CSMD1: variants seen among roughly 807,000 people sequenced by gnomAD.
CSMD1 encodes CUB and Sushi multiple domains 1.
In CSMD1, 213 loss-of-function variants were observed where a neutral mutation model predicts 417.5. The ratio of observed to expected loss-of-function variants is 0.51; its 90% CI spans 0.46 to 0.57. The LOEUF is 0.57. Ranked by LOEUF, CSMD1 falls within the 20% of genes least tolerant of loss-of-function variation. The pLI is 0.00. For synonymous variants in CSMD1, 2,862 were observed against 1,736.8 expected (o/e 1.65, Z -16.11); for missense variants, 6,923 against 4,529.7 (o/e 1.53, Z -15.17).
intron 2 of CSMD1, among the ~76,000 whole-genome samples, chr8:4,564,759 T>C (rs975404478): frequency 4.6e-5 from 7 of 152,180 alleles, no homozygotes; most frequent in African/African-American, 1.4e-4. Context: ...GCATAATGAC[T>C]GTCATCAAAA....
intron 25 of CSMD1, among the ~76,000 whole-genome samples, chr8:3,304,223 T>C (rs1804633187): frequency 6.6e-6 from 1 of 152,174 alleles, no homozygotes; most frequent in Non-Finnish European, 1.5e-5. Context: ...AATTAATCCC[T>C]GTGTTCATAT....
chr8:4,697,666 C>T (rs78859012), intron 1 of CSMD1, among the ~76,000 whole-genome samples: 3,625 of 152,124 alleles, frequency 0.024, 133 homozygotes, highest in African/African-American at 0.074. Context: ...GCTGGTTACA[C>T]GATTTCCCTG....
intron 23 of CSMD1, among the ~76,000 whole-genome samples, chr8:3,318,956 A>C (rs185033765): frequency 4.3e-4 from 66 of 152,278 alleles, no homozygotes; most frequent in African/African-American, 1.5e-3. Flanking sequence ...ACAAACACAC[A>C]CACATATGTG....
At chr8:3,515,917 C>T (rs971755108) in intron 10 of CSMD1, among the ~76,000 whole-genome samples, 4 of 152,148 alleles carry the variant, frequency 2.6e-5, no homozygotes, top group Non-Finnish European at 5.9e-5. Context: ...CAGCAGAAGG[C>T]TAAAATAATG....
chr8:3,328,876 G>T (rs1042669894), intron 23 of CSMD1, among the ~76,000 whole-genome samples: 2 of 152,156 alleles, frequency 1.3e-5, no homozygotes, highest in Non-Finnish European at 2.9e-5. Flanking sequence ...TCCATGAAGA[G>T]TCTTAAGGTC....
chr8:3,420,901 T>C (rs973471226), intron 12 of CSMD1, among the ~76,000 whole-genome samples: 2 of 152,152 alleles, frequency 1.3e-5, no homozygotes, highest in Non-Finnish European at 2.9e-5. Flanking sequence ...AAAATCACTC[T>C]TTCCTGTTTC....
At chr8:4,782,314 G>A (rs1486498643) in intron 1 of CSMD1, among the ~76,000 whole-genome samples, 2 of 152,130 alleles carry the variant, frequency 1.3e-5, no homozygotes, top group Non-Finnish European at 2.9e-5. Flanking sequence ...TAGTTACCTT[G>A]ATTTGATCAT....
At chr8:3,849,365 A>G (rs1451087480) in intron 5 of CSMD1, among the ~76,000 whole-genome samples, 1 of 152,090 alleles carries the variant, frequency 6.6e-6, no homozygotes, top group Non-Finnish European at 1.5e-5. Flanking sequence ...GGGGTCCACT[A>G]CCCGCAGCTG....
At chr8:4,250,401 G>A (rs1802986832) in intron 3 of CSMD1, among the ~76,000 whole-genome samples, 1 of 152,146 alleles carries the variant, frequency 6.6e-6, no homozygotes, top group African/African-American at 2.4e-5. Context: ...GATGCTGGTT[G>A]AGGATCCAAT....
At chr8:4,767,519 C>T (rs962123876) in intron 1 of CSMD1, among the ~76,000 whole-genome samples, 1 of 152,146 alleles carries the variant, frequency 6.6e-6, no homozygotes, top group Non-Finnish European at 1.5e-5. Flanking sequence ...AACTTACCCC[C>T]ACATGGATTA....
At chr8:4,877,501 T>C (rs1803124902) in intron 1 of CSMD1, among the ~76,000 whole-genome samples, 1 of 152,088 alleles carries the variant, frequency 6.6e-6, no homozygotes, top group Admixed American at 6.5e-5. Flanking sequence ...TAAAATCTCT[T>C]CCCGATCCCC....
At chr8:3,781,489 T>G (rs1257098508) in intron 5 of CSMD1, among the ~76,000 whole-genome samples, 1 of 134,816 alleles carries the variant, frequency 7.4e-6, no homozygotes, top group Admixed American at 7.1e-5. Flanking sequence ...TTGCACCACG[T>G]GGTGCCCCTG....
At chr8:4,515,206 AT>A (rs1488682225) in intron 2 of CSMD1, among the ~76,000 whole-genome samples, 1 of 152,222 alleles carries the variant, frequency 6.6e-6, no homozygotes, top group Non-Finnish European at 1.5e-5. Context: ...TAGTTAAAAA[AT>A]ATTTAATGAG....
chr8:4,399,401 G>A (rs974455280), intron 3 of CSMD1, among the ~76,000 whole-genome samples: 1 of 152,162 alleles, frequency 6.6e-6, no homozygotes, highest in African/African-American at 2.4e-5. Flanking sequence ...ATAGGCAAGG[G>A]CTAAAGAGGT....
At chr8:3,730,527 G>C (rs1802783665) in intron 6 of CSMD1, among the ~76,000 whole-genome samples, 1 of 152,024 alleles carries the variant, frequency 6.6e-6, no homozygotes, top group Non-Finnish European at 1.5e-5. Flanking sequence ...TTAGTGGTAG[G>C]GATCACAGCG....
At position 3,121,089 on chromosome 8, in the gene CSMD1, AAC is replaced by A. The variant is rs200617641; in HGVS notation, c.6242-2504_6242-2503del. Among the ~76,000 whole-genome samples, 1,316 of 137,850 alleles carry A rather than the reference AAC, an allele frequency of 9.5e-3. 12 individuals carry two copies. The highest frequency in any genetic ancestry group is 0.031 in the African/African-American group (971 of 31,704). 90.4% of individuals were successfully genotyped at this position (137,850 alleles called of 152,430 possible). A position where few individuals can be genotyped will look rare whatever the true frequency, so the allele number is the denominator to read the frequency against. The stretch of plus-strand genomic sequence containing the variant: ...TTTACACTACAGAAATCCAAACAAC[AAC>A]AAAAAAAAAATAGGGAGAGACTCAT... On this transcript the variant is annotated intron_variant, in intron 41 of 69. Transcript: ENST00000635120.
intron 3 of CSMD1, among the ~76,000 whole-genome samples, chr8:4,149,177 T>A (rs1350274581): frequency 6.6e-6 from 1 of 152,108 alleles, no homozygotes; most frequent in Non-Finnish European, 1.5e-5. Flanking sequence ...TTGGCTAGGC[T>A]GGTCTCGAAC....
At chr8:3,723,746 G>A (rs1296043813) in intron 6 of CSMD1, among the ~76,000 whole-genome samples, 2 of 152,078 alleles carry the variant, frequency 1.3e-5, no homozygotes, top group Non-Finnish European at 2.9e-5. Context: ...CTTATTTTTA[G>A]ATACAGACAC....
chr8:3,765,727 T>C (rs1351852317), intron 5 of CSMD1, among the ~76,000 whole-genome samples: 2 of 152,132 alleles, frequency 1.3e-5, no homozygotes, highest in Non-Finnish European at 2.9e-5. Context: ...GCCTTGCAGG[T>C]GGGGGCGCCC....
Sources: allele counts gnomAD v4.1 joint callset (sites outside exome capture counted in the v4.1 genomes callset), GRCh38; gene constraint gnomAD v4.1.1; transcripts MANE v1.5; gene names NCBI Gene and HGNC (gene_info 2026-07-23, HGNC 2026-07-21).